The following SHANK1 variants were observed in gnomAD, a reference collection of about 807,000 sequenced individuals.
SHANK1 encodes the protein SH3 and multiple ankyrin repeat domains protein 1.
In SHANK1, 35 loss-of-function variants were observed where a neutral mutation model predicts 165.6. That is an observed-to-expected ratio of 0.21 (90% CI 0.16 to 0.28). The LOEUF (loss-of-function observed/expected upper bound fraction) is 0.28, where lower values mean the gene tolerates loss of function less well. Ranked by LOEUF, SHANK1 falls within the 10% of genes least tolerant of loss-of-function variation. SHANK1 has a pLI of 1.00. For synonymous variants in SHANK1, 1,428 were observed against 1,384.8 expected (o/e 1.03, Z -0.69); for missense variants, 2,681 against 3,036.4 (o/e 0.88, Z 2.75).
intron 22 of SHANK1, among the ~76,000 whole-genome samples, chr19:50,669,600 G>A (rs1013273290): frequency 3.3e-5 from 5 of 152,124 alleles, no homozygotes; most frequent in African/African-American, 9.7e-5. Flanking sequence ...AACGGTTTGG[G>A]GCCAGCAAAA....
intron 21 of SHANK1, among the ~76,000 whole-genome samples, chr19:50,675,547 C>T (rs2123103552): frequency 6.6e-6 from 1 of 152,288 alleles, no homozygotes; most frequent in East Asian, 1.9e-4. Context: ...TTGAGGACTT[C>T]CTTTATGCCA....
rs1201196390 is a variant in SHANK1, at chr19:50,703,494, C to CCCTA, written c.1553+2_1553+5dup. On this transcript the variant is annotated splice_donor_region_variant and intron_variant, in intron 11 of 23. Coordinates refer to ENST00000293441, the MANE Select transcript of SHANK1 (RefSeq NM_016148.5). ...GGGACTGTGGAGCCAGGGCTGCCTC[C>CCCTA]CCTACCTGGGCCGGCCTCGGGGCTG... The CCCTA allele has an allele frequency of 2.6e-6, 4 of 1,536,024 alleles. No individual in the cohort carries two copies. The African/African-American group carries it at 5.5e-5, about 21-fold the overall frequency.
intron 12 of SHANK1, among the ~76,000 whole-genome samples, chr19:50,700,871 GCC>G (rs1004797254): frequency 6.6e-6 from 1 of 151,978 alleles, no homozygotes; most frequent in African/African-American, 2.4e-5. Context: ...GCTGCACCTG[GCC>G]CCCACAGTAG....
At chr19:50,695,685 C>G (rs533735437) in intron 15 of SHANK1, among the ~76,000 whole-genome samples, 3 of 152,286 alleles carry the variant, frequency 2.0e-5, no homozygotes, top group African/African-American at 7.2e-5. Flanking sequence ...AGAGAGGCCC[C>G]AGGCGGGGAC....
Position 50,666,261 on chromosome 19 carries a change from C to T in SHANK1, c.5699G>A (p.Gly1900Glu). 1.2e-6 allele frequency: 2 copies of T among 1,610,632 alleles called. No homozygotes were observed. Among genetic ancestry groups the T allele is most frequent in the Middle Eastern group, 1.7e-4 (1 of 6,036 alleles). The change falls in exon 23 of 24, where the codon GGA (glycine) becomes GAA (glutamate). Residue 1900 changes from glycine to glutamate, a missense_variant. By Grantham distance (98) the Gly-to-Glu change is moderately conservative. Coordinates refer to ENST00000293441, the MANE Select transcript of SHANK1 (RefSeq NM_016148.5). ...ALPWARGGSGGGGDSHHGGAS... is the reference protein window; with the variant it reads ...ALPWARGGSGEGGDSHHGGAS... ...TCCCCCGTGGTGGCTGTCTCCGCCT[C>T]CCCCACTGCCTCCTCGGGCCCAGGG...
At chr19:50,681,977 C>T (rs1986194600) in intron 21 of SHANK1, among the ~76,000 whole-genome samples, 1 of 152,166 alleles carries the variant, frequency 6.6e-6, no homozygotes, top group Admixed American at 6.5e-5. Flanking sequence ...CTCCTGGCCT[C>T]AAGTGATCCT....
intron 4 of SHANK1, 123 bp downstream of exon 4, chr19:50,715,536 G>A (rs2089059671): frequency 1.1e-6 from 1 of 872,758 alleles, no homozygotes; most frequent in African/African-American, 1.6e-5. Context: ...GCAGTGGCCA[G>A]AGGGATCGCT....
Position 50,667,983 on chromosome 19 carries a change from C to T in SHANK1, c.3977G>A (p.Ser1326Asn), listed in dbSNP as rs997634632. 13 of 1,450,636 alleles carry T rather than the reference C, an allele frequency of 9.0e-6. No homozygotes were observed. The highest frequency in any genetic ancestry group is 8.0e-5 in the South Asian group (6 of 75,132). 89.9% of individuals were successfully genotyped at this position (1,450,636 alleles called of 1,614,324 possible). A position where few individuals can be genotyped will look rare whatever the true frequency, so the allele number is the denominator to read the frequency against. ...GGGCAGGAAGCTGGTGAAGGCGCTGCTGCCCCCGCCACCCCCGTAGGCTCG... is the reference window on the plus strand; with the variant it reads ...GGGCAGGAAGCTGGTGAAGGCGCTGTTGCCCCCGCCACCCCCGTAGGCTCG... ...GSRAYGGGGG[S>N]SAFTSFLPPR... The change falls in exon 23 of 24, where the codon AGC becomes AAC. Residue 1326 changes from serine to asparagine, a missense_variant. Transcript: ENST00000293441. This position sits in a 1 kb window ranked among gnomAD's most constrained non-coding sequence, Gnocchi z 5.7.
Position 50,666,544 on chromosome 19 carries a change from G to A in SHANK1, c.5416C>T (p.Pro1806Ser). The A allele has an allele frequency of 1.9e-6, 3 of 1,596,962 alleles. No individual in the cohort carries two copies. Among genetic ancestry groups the A allele is most frequent in the East Asian group, 2.3e-5 (1 of 44,352 alleles). Reference protein sequence around the residue: ...GLLALRACSGPPTAGVAGGPV... With the variant: ...GLLALRACSGSPTAGVAGGPV... Reference sequence around the variant, plus strand: ...CCCCCCGCCACGCCTGCCGTGGGGGGTCCTGAACAAGCACGCAGGGCCAGC... The same window carrying A: ...CCCCCCGCCACGCCTGCCGTGGGGGATCCTGAACAAGCACGCAGGGCCAGC... Residue 1806 changes from proline to serine, a missense_variant, in exon 23 of 24, where the codon CCC becomes TCC. This residue lies in a region of SHANK1 where 1,713 missense variants were observed against 1,630.2 expected (regional missense o/e 1.05). Transcript: ENST00000293441.
chr19:50,700,931 T>A (rs1359644464), intron 12 of SHANK1, among the ~76,000 whole-genome samples: 1 of 152,052 alleles, frequency 6.6e-6, no homozygotes, highest in East Asian at 1.9e-4. Context: ...CATTAAAGCC[T>A]CCTGTGTGCT....
intron 21 of SHANK1, among the ~76,000 whole-genome samples, chr19:50,677,783 G>A (rs1018581274): frequency 6.6e-6 from 1 of 152,192 alleles, no homozygotes; most frequent in Non-Finnish European, 1.5e-5. Context: ...CAGGCTTCAG[G>A]AGGTGTCGCC....
chr19:50,662,193 C>T lies in SHANK1; in HGVS notation c.6258G>A (p.Pro2086=), dbSNP rs1247123106. ...LSPTRLLSLP[P]DKPFGAKPLG... ...GAGGTTTAGCGCCAAACGGCTTGTC[C>T]GGGGGCAGCGAGAGCAGGCGGGTCG... The change falls in exon 24 of 24, where the codon CCG becomes CCA. Residue 2086 remains proline, a synonymous_variant. Transcript: ENST00000293441. The surrounding 1 kb of genome is among the most constrained non-coding windows in gnomAD (Gnocchi z 7.7). 1.2e-6 allele frequency: 2 copies of T among 1,609,526 alleles called. No homozygotes were observed. The highest frequency in any genetic ancestry group is 1.7e-6 in the Non-Finnish European group (2 of 1,176,606).
chr19:50,675,011 G>A (rs549274617), intron 21 of SHANK1, among the ~76,000 whole-genome samples: 15 of 146,814 alleles, frequency 1.0e-4, no homozygotes, highest in African/African-American at 3.8e-4. Flanking sequence ...GCAGTGAGCC[G>A]AGATTGTGCC....
chr19:50,669,731 C>T (rs190581943), intron 22 of SHANK1, among the ~76,000 whole-genome samples: 5 of 151,920 alleles, frequency 3.3e-5, no homozygotes, highest in African/African-American at 9.7e-5. Context: ...ACAGAGAGAA[C>T]CACTTATGAT....
At chr19:50,701,117 T>G (rs115214403) in intron 12 of SHANK1, among the ~76,000 whole-genome samples, 2,671 of 151,568 alleles carry the variant, frequency 0.018, 83 homozygotes, top group African/African-American at 0.059. Flanking sequence ...TATGGTAGGA[T>G]CCTCCCTGCT....
At chr19:50,706,521 T>C (rs879498548) in intron 8 of SHANK1, among the ~76,000 whole-genome samples, 6 of 152,032 alleles carry the variant, frequency 3.9e-5, no homozygotes, top group Non-Finnish European at 5.9e-5. Context: ...CTTCATCTTC[T>C]ACCACCTGCC....
intron 21 of SHANK1, among the ~76,000 whole-genome samples, chr19:50,678,278 G>C (rs759039190): frequency 2.6e-5 from 4 of 152,100 alleles, no homozygotes; most frequent in Non-Finnish European, 4.4e-5. Flanking sequence ...CCAGGAGAAG[G>C]GGGTGTGACC....
At chr19:50,711,330 C>A in intron 8 of SHANK1, 41 bp downstream of exon 8, 2 of 1,406,508 alleles carry the variant, frequency 1.4e-6, no homozygotes, top group Non-Finnish European at 2.0e-6. Context: ...AGGCGGCTAT[C>A]GGGGATGTGA....
intron 8 of SHANK1, among the ~76,000 whole-genome samples, chr19:50,705,169 C>A (rs546761943): frequency 2.0e-5 from 3 of 149,762 alleles, no homozygotes; most frequent in African/African-American, 7.4e-5. Context: ...GGTGAAACCC[C>A]GTCTCTATCA....
Sources: gnomAD v4.1 joint callset for allele counts (sites outside exome capture counted in the v4.1 genomes callset) on GRCh38, gnomAD v4.1.1 for gene constraint, gnomAD v4.1.1 regional missense constraint, Gnocchi (gnomAD v3.1) non-coding constraint, MANE v1.5 for transcripts, NCBI Gene and HGNC (gene_info 2026-07-23, HGNC 2026-07-21) for gene names.